The following WDR70 variants were observed in gnomAD, a reference collection of about 807,000 sequenced individuals.
The protein encoded by WDR70 is WD repeat domain 70.
Under a neutral mutation model 88.6 loss-of-function variants are expected in WDR70, and 53 were observed. The observed-to-expected ratio is 0.60, with a 90% CI of 0.48 to 0.75. The LOEUF is 0.75. Ranked by LOEUF, WDR70 falls within the 30% of genes least tolerant of loss-of-function variation. WDR70 has a pLI of 0.00. For missense variants in WDR70, 610 were observed against 823.2 expected, an observed-to-expected ratio of 0.74 and a Z score of 3.17; for synonymous variants, 280 against 270.0, an observed-to-expected ratio of 1.04 and a Z score of -0.36.
At chr5:37,644,377 A>ATTTGCTGGTATTTTCTGGAGGGTT (rs1314763462) in intron 10 of WDR70, among the ~76,000 whole-genome samples, 23 of 151,844 alleles carry the variant, frequency 1.5e-4, no homozygotes, top group Admixed American at 2.6e-4. Flanking sequence ...TGTTGAATTC[A>ATTTGCTGGTATTTTCTGGAGGGTT]TTTGCTGGTA....
chr5:37,553,900 T>A (rs980724298), intron 9 of WDR70, among the ~76,000 whole-genome samples: 2 of 152,224 alleles, frequency 1.3e-5, no homozygotes, highest in Non-Finnish European at 2.9e-5. Context: ...GTTCATGTAC[T>A]TAAAGTGCTA....
At chr5:37,522,546 A>G (rs1246138626) in intron 9 of WDR70, among the ~76,000 whole-genome samples, 1 of 151,246 alleles carries the variant, frequency 6.6e-6, no homozygotes, top group Non-Finnish European at 1.5e-5. Flanking sequence ...TACAGCTCCC[A>G]GTGTGAGTGA....
chr5:37,731,846 G>T (rs1748154857), intron 17 of WDR70, among the ~76,000 whole-genome samples: 1 of 152,130 alleles, frequency 6.6e-6, no homozygotes, highest in Non-Finnish European at 1.5e-5. Flanking sequence ...TAATTAGAAG[G>T]TGTCAGAGAC....
At chr5:37,689,815 C>T (rs866325908) in intron 10 of WDR70, among the ~76,000 whole-genome samples, 6 of 152,200 alleles carry the variant, frequency 3.9e-5, no homozygotes, top group Non-Finnish European at 8.8e-5. Flanking sequence ...CTCCAAAGAT[C>T]GCAGCTCCTC....
At chr5:37,527,924 A>G (rs1741348510) in intron 9 of WDR70, among the ~76,000 whole-genome samples, 1 of 152,258 alleles carries the variant, frequency 6.6e-6, no homozygotes. Flanking sequence ...CAAAACCACA[A>G]TGAGATACCA....
intron 10 of WDR70, among the ~76,000 whole-genome samples, chr5:37,647,753 A>G (rs569574782): frequency 3.9e-5 from 6 of 152,294 alleles, no homozygotes; most frequent in Non-Finnish European, 5.9e-5. Context: ...TAAACAAGCA[A>G]GAGTCTCCCT....
chr5:37,438,072 T>G (rs1750532878), intron 6 of WDR70, 91 bp downstream of exon 6: 1 of 1,083,050 alleles, frequency 9.2e-7, no homozygotes, highest in African/African-American at 1.6e-5. Flanking sequence ...TTAAGGCTAA[T>G]TATACAATCA....
At chr5:37,380,624 G>C (rs2111837786) in intron 2 of WDR70, among the ~76,000 whole-genome samples, 1 of 151,980 alleles carries the variant, frequency 6.6e-6, no homozygotes, top group South Asian at 2.1e-4. Context: ...TTACAGGCGT[G>C]AGCCACTGTG....
chr5:37,568,989 T>C (rs1401307877), intron 9 of WDR70, among the ~76,000 whole-genome samples: 3 of 152,140 alleles, frequency 2.0e-5, no homozygotes, highest in Non-Finnish European at 2.9e-5. Flanking sequence ...GCTGGATATG[T>C]TCTCACCAGT....
chr5:37,608,379 T>C (rs1191579653), intron 10 of WDR70, among the ~76,000 whole-genome samples: 1 of 151,990 alleles, frequency 6.6e-6, no homozygotes. Context: ...TGGCTTTTTC[T>C]CTCATCTCTT....
At chr5:37,617,857 A>G (rs1358069254) in intron 10 of WDR70, among the ~76,000 whole-genome samples, 1 of 152,224 alleles carries the variant, frequency 6.6e-6, no homozygotes, top group African/African-American at 2.4e-5. Flanking sequence ...CTAGATGCAT[A>G]GATATTAACA....
intron 8 of WDR70, among the ~76,000 whole-genome samples, chr5:37,514,560 G>A (rs547553177): frequency 4.0e-5 from 6 of 151,068 alleles, no homozygotes; most frequent in Admixed American, 2.0e-4. Flanking sequence ...CTGCACCCCC[G>A]AGGGGCCCCA....
intron 13 of WDR70, among the ~76,000 whole-genome samples, chr5:37,716,214 A>G (rs2112686932): frequency 6.6e-6 from 1 of 152,328 alleles, no homozygotes; most frequent in Admixed American, 6.5e-5. Flanking sequence ...CAACATAATC[A>G]TGTTTAAGGT....
chr5:37,702,606 C>T (rs7714484), intron 12 of WDR70, among the ~76,000 whole-genome samples: 150,349 of 152,312 alleles, frequency 0.99, 74,232 homozygotes, highest in East Asian at 1. Context: ...TATATTGAGT[C>T]TTTTTATACT....
At chr5:37,674,437 G>A (rs2112600574) in intron 10 of WDR70, among the ~76,000 whole-genome samples, 1 of 151,984 alleles carries the variant, frequency 6.6e-6, no homozygotes, top group Non-Finnish European at 1.5e-5. Flanking sequence ...CTGTGTCCAT[G>A]TGTTCTCATT....
intron 5 of WDR70, among the ~76,000 whole-genome samples, chr5:37,422,377 C>G (rs1343138366): frequency 6.6e-6 from 1 of 151,914 alleles, no homozygotes; most frequent in Non-Finnish European, 1.5e-5. Flanking sequence ...ATGCAATCTC[C>G]ACTTCCCGGA....
intron 9 of WDR70, among the ~76,000 whole-genome samples, chr5:37,602,438 C>G (rs1349574156): frequency 6.6e-6 from 1 of 151,246 alleles, no homozygotes; most frequent in African/African-American, 2.4e-5. Flanking sequence ...GAAACCCTGT[C>G]TCTACTAAAA....
At chr5:37,554,714 TAGAC>T (rs771817465) in intron 9 of WDR70, among the ~76,000 whole-genome samples, 5 of 150,632 alleles carry the variant, frequency 3.3e-5, no homozygotes, top group East Asian at 3.9e-4. Context: ...ACATTTTAAA[TAGAC>T]AGGGTATTGC....
intron 8 of WDR70, among the ~76,000 whole-genome samples, chr5:37,487,623 A>ATTTT (rs1303879846): frequency 5.4e-5 from 1 of 18,568 alleles, no homozygotes; most frequent in African/African-American, 1.1e-4. Flanking sequence ...ATATATATAT[A>ATTTT]TGTATTTTTT....
Sources: gnomAD v4.1 joint callset for allele counts (sites outside exome capture counted in the v4.1 genomes callset) on GRCh38, gnomAD v4.1.1 for gene constraint, MANE v1.5 for transcripts, NCBI Gene and HGNC (gene_info 2026-07-23, HGNC 2026-07-21) for gene names.